Variants in CHUK observed in about 807,000 individuals in gnomAD.
The protein encoded by CHUK is inhibitor of nuclear factor kappa-B kinase subunit alpha.
Under a neutral mutation model 104.8 loss-of-function variants are expected in CHUK, and 35 were observed. That is an observed-to-expected ratio of 0.33 (90% CI 0.26 to 0.44). CHUK has a LOEUF of 0.44. Among genes scored for constraint, CHUK ranks in the 20% least tolerant of loss-of-function variants. The pLI, the probability that CHUK is intolerant of heterozygous loss-of-function variation, is 1.00. For missense variants in CHUK, 663 were observed against 902.7 expected (o/e 0.73, Z 3.40); for synonymous variants, 276 against 291.9 (o/e 0.95, Z 0.56).
chr10:100,187,525 C>T (rs1845073721), downstream of CHUK: 2 of 152,182 alleles, frequency 1.3e-5, no homozygotes, highest in Non-Finnish European at 2.9e-5. Flanking sequence ...GCTCCATACC[C>T]TGTTTTCTGT....
intron 10 of CHUK, 141 bp from the exon 11 acceptor site, chr10:100,207,473 A>T: frequency 3.3e-6 from 2 of 603,072 alleles, no homozygotes; most frequent in Non-Finnish European, 5.9e-6. Context: ...CTTACAGATA[A>T]CAGAGTCCAA....
chr10:100,218,634 C>A, intron 8 of CHUK, 84 bp downstream of exon 8: 1 of 896,560 alleles, frequency 1.1e-6, no homozygotes, highest in Non-Finnish European at 1.9e-6. Flanking sequence ...CTGGATAATG[C>A]AACTTGAAAC....
intron 16 of CHUK, among the ~76,000 whole-genome samples, chr10:100,196,767 A>T (rs1471486752): frequency 6.6e-6 from 1 of 151,922 alleles, no homozygotes; most frequent in African/African-American, 2.4e-5. Flanking sequence ...AGTCTTTAGC[A>T]CTCTATTCAA....
intron 2 of CHUK, among the ~76,000 whole-genome samples, chr10:100,225,554 G>A (rs1009456604): frequency 1.2e-4 from 19 of 152,162 alleles, no homozygotes; most frequent in African/African-American, 3.6e-4. Flanking sequence ...ATAATGTTAT[G>A]AATATGAGTG....
chr10:100,187,610 T>G (rs1400894043), downstream of CHUK: 1 of 152,188 alleles, frequency 6.6e-6, no homozygotes, highest in Non-Finnish European at 1.5e-5. Context: ...CATTCCCCTC[T>G]GAAAAGTTGT....
intron 16 of CHUK, among the ~76,000 whole-genome samples, chr10:100,197,542 A>G (rs1185971550): frequency 6.6e-6 from 1 of 152,236 alleles, no homozygotes; most frequent in African/African-American, 2.4e-5. Flanking sequence ...GTCTTAATTC[A>G]TTTAAAAATA....
chr10:100,198,422 A>G (rs1438745039), intron 16 of CHUK, among the ~76,000 whole-genome samples: 4 of 152,212 alleles, frequency 2.6e-5, no homozygotes, highest in African/African-American at 9.6e-5. Flanking sequence ...TGAAACTGTC[A>G]TTTTTTAAAA....
chr10:100,199,999 T>C lies in CHUK; in HGVS notation c.1701A>G (p.Leu567=). 1 of 1,612,864 alleles carries C rather than the reference T, an allele frequency of 6.2e-7. No homozygotes were observed. Among genetic ancestry groups the C allele is most frequent in the Non-Finnish European group, 8.5e-7 (1 of 1,178,928 alleles). The change falls in exon 16 of 21, where the codon CTA becomes CTG. Residue 567 remains leucine (L), a synonymous_variant. Transcript: ENST00000370397. ...AAGGTCTGTGTTTTAACTGCTTATA[T>C]AGATCAATGGCACGCTGTTCCCTAT... ...MESLEQRAID[L]YKQLKHRPSD...
intron 9 of CHUK, among the ~76,000 whole-genome samples, chr10:100,210,340 G>T (rs376913485): frequency 6.6e-6 from 1 of 151,906 alleles, no homozygotes; most frequent in East Asian, 1.9e-4. Flanking sequence ...GCCCGCCTCG[G>T]CCTCCCAAAG....
At chr10:100,220,124 T>C (rs1308007609) in intron 5 of CHUK, among the ~76,000 whole-genome samples, 1 of 152,206 alleles carries the variant, frequency 6.6e-6, no homozygotes, top group Non-Finnish European at 1.5e-5. Flanking sequence ...AGATGACTCA[T>C]TTAAATTGGG....
At chr10:100,229,025 ACG>A (rs1554900476) in intron 1 of CHUK, among the ~76,000 whole-genome samples, 6 of 148,152 alleles carry the variant, frequency 4.0e-5, no homozygotes, top group African/African-American at 1.5e-4. Flanking sequence ...ACACACACAC[ACG>A]GACGCACACA....
chr10:100,199,566 A>C (rs1467537608), intron 16 of CHUK, among the ~76,000 whole-genome samples: 2 of 152,214 alleles, frequency 1.3e-5, no homozygotes, highest in African/African-American at 4.8e-5. Context: ...ACCTCAGGTG[A>C]TCCACCCACC....
chr10:100,190,507 C>T lies in CHUK; in HGVS notation c.2208+362G>A, dbSNP rs142359669. The T allele has an allele frequency of 3.9e-3, 1,075 of 275,152 alleles. 9 individuals are homozygous for T. The highest frequency in any genetic ancestry group is 0.021 in the African/African-American group (935 of 45,330). 17.0% of individuals were successfully genotyped at this position (275,152 alleles called of 1,614,324 possible). A position where few individuals can be genotyped will look rare whatever the true frequency, so the allele number is the denominator to read the frequency against. On this transcript the variant is annotated intron_variant, in intron 20 of 20. Coordinates refer to ENST00000370397, the MANE Select transcript of CHUK (RefSeq NM_001278.5). ...ATATTAACATAATTTATTTTCTATT[C>T]GGGAGGTACCATATCTGAATTAAAG...
At chr10:100,201,898 G>A (rs1290696260) in intron 14 of CHUK, among the ~76,000 whole-genome samples, 190 bp downstream of exon 14, 1 of 152,042 alleles carries the variant, frequency 6.6e-6, no homozygotes, top group Non-Finnish European at 1.5e-5. Context: ...GAGGCACTAG[G>A]TAATTTTCCC....
In CHUK at chr10:100,225,968, G is replaced by T. The variant is rs1347355218; in HGVS notation, c.155C>A (p.Thr52Asn). The T allele has an allele frequency of 1.9e-6, 3 of 1,609,892 alleles. No homozygotes were observed. The highest frequency in any genetic ancestry group is 2.5e-6 in the Non-Finnish European group (3 of 1,176,648). Reference sequence around the variant, plus strand: ...ATGGCACCATCGTTCTCTGTTTTTGGTACTTAGCTCTAGGCGACAAGACTT... The same window carrying T: ...ATGGCACCATCGTTCTCTGTTTTTGTTACTTAGCTCTAGGCGACAAGACTT... ...AIKSCRLELS[T>N]KNRERWCHEI... The change falls in exon 2 of 21, where the codon ACC becomes AAC. Residue 52 changes from threonine to asparagine, a missense_variant. Physicochemically the swap from Thr to Asn is moderately conservative, Grantham distance 65. Transcript: ENST00000370397.
At chr10:100,226,367 C>A (rs985772617) in intron 1 of CHUK, among the ~76,000 whole-genome samples, 1 of 152,140 alleles carries the variant, frequency 6.6e-6, no homozygotes, top group African/African-American at 2.4e-5. Context: ...CTAATATGTG[C>A]CCCAGCTTCT....
intron 2 of CHUK, among the ~76,000 whole-genome samples, chr10:100,225,002 A>C (rs1846073943): frequency 6.6e-6 from 1 of 151,664 alleles, no homozygotes. Flanking sequence ...GGCATGCACC[A>C]CCACACATAG....
At chr10:100,201,970 T>G in intron 14 of CHUK, 118 bp downstream of exon 14, 3 of 801,222 alleles carry the variant, frequency 3.7e-6, no homozygotes, top group Non-Finnish European at 6.5e-6. Flanking sequence ...TCTACTAGAA[T>G]TTTGTCTGAA....
chr10:100,189,755 C>T, intron 20 of CHUK, 128 bp from the exon 21 acceptor site: 2 of 631,360 alleles, frequency 3.2e-6, no homozygotes, highest in South Asian at 2.1e-5. Context: ...TTTCATTTAC[C>T]TTATTTCCTG....
Sources: allele counts gnomAD v4.1 joint callset (sites outside exome capture counted in the v4.1 genomes callset), GRCh38; gene constraint gnomAD v4.1.1; transcripts MANE v1.5; gene names NCBI Gene and HGNC (gene_info 2026-07-23, HGNC 2026-07-21).